PPP1R12B: variants seen among roughly 807,000 people sequenced by gnomAD.
PPP1R12B encodes the protein myosin phosphatase target subunit 2.
A neutral mutation model predicts 126.1 loss-of-function variants in PPP1R12B; 76 were observed. The ratio of observed to expected loss-of-function variants is 0.60; its 90% CI spans 0.50 to 0.73. The LOEUF is 0.73. Ranked by LOEUF, PPP1R12B falls within the 30% of genes least tolerant of loss-of-function variation. The pLI is 0.00. For synonymous variants in PPP1R12B, 356 were observed against 434.7 expected (o/e 0.82, Z 2.25); for missense variants, 1,052 against 1,205.1 (o/e 0.87, Z 1.88).
chr1:202,349,289 C>A, intron 1 of PPP1R12B, 147 bp downstream of exon 1: 1 of 920,316 alleles, frequency 1.1e-6, no homozygotes, highest in Non-Finnish European at 1.6e-6. Flanking sequence ...TCATTCTTGG[C>A]CAGCTTCCTC....
rs767276647 is a variant in PPP1R12B at position 202,434,782 on chromosome 1, A to T, written c.1254+14A>T. On this transcript the variant is annotated intron_variant, in intron 9 of 23. Transcript: ENST00000608999. ...TCTGCTAGGAGGGTGAGTACTTTTT[A>T]CTTAATTTGGGAATTAGATTTCACC... is the stretch of plus-strand genomic sequence containing the variant. 6.2e-7 allele frequency: 1 copy of T among 1,612,386 alleles called. No individual in the cohort carries two copies. The highest frequency in any genetic ancestry group is 8.5e-7 in the Non-Finnish European group (1 of 1,179,536).
chr1:202,428,046 GTGA>G (rs1669776818), intron 5 of PPP1R12B, among the ~76,000 whole-genome samples: 1 of 134 alleles, frequency 7.5e-3, no homozygotes, highest in Non-Finnish European at 0.042. Flanking sequence ...CTGGGCTCAA[GTGA>G]TTCCCAGCCT....
At chr1:202,574,406 G>C (rs1051332595) in intron 23 of PPP1R12B, among the ~76,000 whole-genome samples, 9 of 152,148 alleles carry the variant, frequency 5.9e-5, no homozygotes, top group Non-Finnish European at 1.2e-4. Flanking sequence ...GCTACTTTAG[G>C]AGGCTGAGGT....
At chr1:202,422,520 A>G in intron 2 of PPP1R12B, 100 bp from the exon 3 acceptor site, 1 of 1,031,622 alleles carries the variant, frequency 9.7e-7, no homozygotes, top group Admixed American at 2.1e-5. Flanking sequence ...CATATTTTAA[A>G]CTCAAAATAG....
At chr1:202,535,366 AAG>A (rs1023693691) in intron 18 of PPP1R12B, among the ~76,000 whole-genome samples, 30 of 152,280 alleles carry the variant, frequency 2.0e-4, no homozygotes, top group African/African-American at 7.0e-4. Context: ...AAAAAATAAA[AAG>A]AGGAAAAAGT....
intron 1 of PPP1R12B, among the ~76,000 whole-genome samples, chr1:202,409,049 G>A (rs1667038575): frequency 6.6e-6 from 1 of 151,372 alleles, no homozygotes; most frequent in Non-Finnish European, 1.5e-5. Context: ...ATGTTGCCCA[G>A]GCTGGTCTTG....
intron 2 of PPP1R12B, among the ~76,000 whole-genome samples, chr1:202,421,190 A>G (rs576567340): frequency 6.6e-6 from 1 of 151,956 alleles, no homozygotes; most frequent in South Asian, 2.1e-4. Flanking sequence ...CCTGGCCTCA[A>G]GTGATCTGCC....
chr1:202,452,514 C>G (rs1171241741), intron 13 of PPP1R12B, among the ~76,000 whole-genome samples: 1 of 151,478 alleles, frequency 6.6e-6, no homozygotes, highest in Non-Finnish European at 1.5e-5. Flanking sequence ...AGTCCAGCTT[C>G]GGCTTGGCAT....
chr1:202,439,222 C>T lies in PPP1R12B; in HGVS notation c.1458+1198C>T, dbSNP rs187190826. The T allele has an allele frequency of 4.7e-4, 657 of 1,401,906 alleles. 7 individuals are homozygous for T. The African/African-American group carries it at 8.1e-3, about 17-fold the overall frequency. The allele number at this position is 1,401,906 out of a possible 1,614,324, so 86.8% of individuals were successfully genotyped here. Reference sequence around the variant, plus strand: ...GCGCAGCCCTGTGCTCCTGCAGCCTCGTTGGAGCACCATCCAGACAATATC... The same window carrying T: ...GCGCAGCCCTGTGCTCCTGCAGCCTTGTTGGAGCACCATCCAGACAATATC... On this transcript the variant is annotated intron_variant, in intron 10 of 23. Coordinates refer to ENST00000608999, the MANE Select transcript of PPP1R12B (RefSeq NM_002481.4).
chr1:202,476,567 C>T (rs1676697520), intron 13 of PPP1R12B, among the ~76,000 whole-genome samples: 1 of 151,766 alleles, frequency 6.6e-6, no homozygotes, highest in South Asian at 2.1e-4. Context: ...CCTGTAGTTC[C>T]AGCAACTCGG....
rs193150160 is a variant in PPP1R12B, at chr1:202,523,632, A to G, written c.2490+26810A>G. On this transcript the variant is annotated intron_variant, in intron 18 of 23. Coordinates refer to ENST00000608999, the MANE Select transcript of PPP1R12B (RefSeq NM_002481.4). ...GCGTCATAGGCCTTTGTCATTTACT[A>G]TGCACAAAATGAGGCGCCATTGCAG... 5.3e-5 allele frequency among the ~76,000 whole-genome samples: 8 copies of G among 152,360 alleles called. No homozygotes were observed. In the South Asian group the frequency reaches 6.2e-4, roughly 12 times the overall value.
chr1:202,529,020 A>G (rs1056181010), intron 18 of PPP1R12B, among the ~76,000 whole-genome samples: 3 of 152,204 alleles, frequency 2.0e-5, no homozygotes, highest in Non-Finnish European at 4.4e-5. Flanking sequence ...AAAGTTAGAT[A>G]TCTGGAGGAT....
chr1:202,362,864 C>T (rs1281863471), intron 1 of PPP1R12B, among the ~76,000 whole-genome samples: 1 of 152,062 alleles, frequency 6.6e-6, no homozygotes, highest in African/African-American at 2.4e-5. Context: ...GACAGAGTTT[C>T]CCTCTGTTGC....
At chr1:202,366,798 G>T (rs1659315829) in intron 1 of PPP1R12B, among the ~76,000 whole-genome samples, 1 of 152,038 alleles carries the variant, frequency 6.6e-6, no homozygotes, top group South Asian at 2.1e-4. Flanking sequence ...TTACATATGG[G>T]TGCAAAACGT....
At chr1:202,506,436 C>A (rs1572323663) in intron 18 of PPP1R12B, among the ~76,000 whole-genome samples, 1 of 152,144 alleles carries the variant, frequency 6.6e-6, no homozygotes, top group African/African-American at 2.4e-5. Flanking sequence ...CACATGTATT[C>A]CTTTGAGACC....
intron 18 of PPP1R12B, among the ~76,000 whole-genome samples, chr1:202,535,683 A>T (rs904846919): frequency 6.6e-6 from 1 of 152,196 alleles, no homozygotes; most frequent in African/African-American, 2.4e-5. Flanking sequence ...TGAACTCAAC[A>T]TCCTATCCTG....
chr1:202,485,413 G>A (rs1373174593), intron 13 of PPP1R12B, among the ~76,000 whole-genome samples: 1 of 151,346 alleles, frequency 6.6e-6, no homozygotes, highest in African/African-American at 2.4e-5. Flanking sequence ...GGATGTGAGG[G>A]TGGGGGGCAG....
chr1:202,467,445 A>G lies in PPP1R12B; in HGVS notation c.1850+18274A>G, dbSNP rs538949552. Among the ~76,000 whole-genome samples the G allele has an allele frequency of 2.2e-3, 330 of 151,906 alleles. 1 individual carries two copies. Among genetic ancestry groups the G allele is most frequent in the African/African-American group, 7.5e-3 (309 of 41,412 alleles). Reference sequence around the variant, plus strand: ...TGTGTCCATGTGTTCTCATTGTTCAATTCCCACCTATGAGTGAGAACATGC... The same window carrying G: ...TGTGTCCATGTGTTCTCATTGTTCAGTTCCCACCTATGAGTGAGAACATGC... On this transcript the variant is annotated intron_variant, in intron 13 of 23. Transcript: ENST00000608999.
At chr1:202,498,601 A>G (rs1679843734) in intron 18 of PPP1R12B, among the ~76,000 whole-genome samples, 1 of 152,216 alleles carries the variant, frequency 6.6e-6, no homozygotes, top group African/African-American at 2.4e-5. Context: ...GCTAGCAGGC[A>G]TGATGCCATT....
Sources: gnomAD v4.1 joint callset for allele counts (sites outside exome capture counted in the v4.1 genomes callset) on GRCh38, gnomAD v4.1.1 for gene constraint, MANE v1.5 for transcripts, NCBI Gene and HGNC (gene_info 2026-07-23, HGNC 2026-07-21) for gene names.